The following CPNE7 variants were observed in gnomAD, a reference collection of about 807,000 sequenced individuals.
The protein encoded by CPNE7 is copine 7.
Under a neutral mutation model 66.5 loss-of-function variants are expected in CPNE7, and 78 were observed. The observed-to-expected ratio is 1.17, with a 90% CI of 0.98 to 1.42. The LOEUF is 1.42. Ranked by LOEUF, CPNE7 falls within the 40% of genes most tolerant of loss-of-function variation. The probability of loss-of-function intolerance (pLI) is 0.00; values close to 1 mark genes in which losing one functional copy is unlikely to be tolerated. For missense variants in CPNE7, 1,012 were observed against 776.6 expected (o/e 1.30, Z -3.60); for synonymous variants, 468 against 336.7 (o/e 1.39, Z -4.27).
intron 13 of CPNE7, 112 bp downstream of exon 13, chr16:89,591,372 C>T: frequency 1.4e-6 from 2 of 1,396,300 alleles, no homozygotes; most frequent in South Asian, 3.0e-5. Flanking sequence ...GCAGAGGCCC[C>T]CAGGCAGGAC....
chr16:89,590,046 C>G, intron 11 of CPNE7, 95 bp downstream of exon 11: 1 of 1,376,502 alleles, frequency 7.3e-7, no homozygotes, highest in Non-Finnish European at 1.0e-6. Flanking sequence ...TGGCTGCCTG[C>G]TGGGAACCGG....
chr16:89,588,670 T>C lies in CPNE7; in HGVS notation c.928-5T>C. On this transcript the variant is annotated splice_polypyrimidine_tract_variant and splice_region_variant and intron_variant, in intron 9 of 14. Transcript: ENST00000319518. ...GCACAGCTCCTGGCTCCCGGCCCAC[T>C]GCAGGTGGCCATTGACTTCACCGCC... 1 of 1,613,000 alleles carries C rather than the reference T, an allele frequency of 6.2e-7. No individual in the cohort carries two copies. The highest frequency in any genetic ancestry group is 8.5e-7 in the Non-Finnish European group (1 of 1,179,880).
rs1166044226 is a variant in CPNE7, at chr16:89,589,958, G to C, written c.1116+7G>C. ...GATCCCTCCCAAGTATGAGGTAGGAGAGCCCAGAACCTGAGACCTCAGAGC... is the reference window on the plus strand; with the variant it reads ...GATCCCTCCCAAGTATGAGGTAGGACAGCCCAGAACCTGAGACCTCAGAGC... On this transcript the variant is annotated splice_region_variant and intron_variant, in intron 11 of 14. Transcript: ENST00000319518. 6.2e-7 allele frequency: 1 copy of C among 1,613,564 alleles called. No homozygotes were observed. The highest frequency in any genetic ancestry group is 1.7e-5 in the Admixed American group (1 of 60,008).
intron 2 of CPNE7, among the ~76,000 whole-genome samples, chr16:89,579,168 TG>T (rs2058907273): frequency 6.6e-6 from 1 of 151,944 alleles, no homozygotes; most frequent in Admixed American, 6.6e-5. Context: ...GGTGCGTGCC[TG>T]TAGTCCCAGC....
chr16:89,584,550 G>A lies in CPNE7; in HGVS notation c.508-224G>A, dbSNP rs1165473018. On this transcript the variant is annotated intron_variant, in intron 4 of 14. Coordinates refer to ENST00000319518, the MANE Select transcript of CPNE7 (RefSeq NM_153636.3). This position sits in a 1 kb window ranked among gnomAD's most constrained non-coding sequence, Gnocchi z 6.0. ...TCCGTGGAGGGCTGAGTCGCAGGGT[G>A]TGCAGGGTGACTCCATGGAGGGCTG... 6.6e-6 allele frequency among the ~76,000 whole-genome samples: 1 copy of A among 151,940 alleles called. No individual in the cohort carries two copies. The highest frequency in any genetic ancestry group is 2.4e-5 in the African/African-American group (1 of 41,382).
rs760161077 is a variant in CPNE7, at chr16:89,583,750, C to T, written c.411C>T (p.Asn137=). The change falls in exon 3 of 15, where the codon AAC becomes AAT. Residue 137 remains asparagine, a synonymous_variant. Transcript: ENST00000319518. ...CGCTGCTGCTCAAGTTTGGCAGGAACGCTGGCAAGTCCACCATCACGGTGA... is the reference window on the plus strand; with the variant it reads ...CGCTGCTGCTCAAGTTTGGCAGGAATGCTGGCAAGTCCACCATCACGGTGA... ...TRPLLLKFGR[N]AGKSTITVIA... is the part of the protein sequence containing the mutation. 8.7e-6 allele frequency: 14 copies of T among 1,612,600 alleles called. No individual in the cohort carries two copies. Among genetic ancestry groups the T allele is most frequent in the Admixed American group, 1.7e-5 (1 of 60,002 alleles).
In CPNE7 at chr16:89,577,726, G is replaced by T; in HGVS notation, c.357+5G>T. 6.3e-7 allele frequency: 1 copy of T among 1,585,166 alleles called. No individual in the cohort carries two copies. The highest frequency in any genetic ancestry group is 8.6e-7 in the Non-Finnish European group (1 of 1,166,174). ...ATGGAGTGCACCCTGGGGCAGGTGG[G>T]TGCCCCGTCCCCTCGGAGGGAGGAG... On this transcript the variant is annotated splice_donor_5th_base_variant and intron_variant, in intron 2 of 14. Coordinates refer to ENST00000319518, the MANE Select transcript of CPNE7 (RefSeq NM_153636.3).
chr16:89,582,374 T>C lies in CPNE7; in HGVS notation c.358-1323T>C, dbSNP rs2058969025. ...GATCTCGTATTTCCTGGTAGGGGAA[T>C]CTGTTGTGTTAGCCTGAGCCCGTTT... On this transcript the variant is annotated intron_variant, in intron 2 of 14. Coordinates refer to ENST00000319518, the MANE Select transcript of CPNE7 (RefSeq NM_153636.3). Among the ~76,000 whole-genome samples the C allele has an allele frequency of 2.0e-5, 3 of 152,334 alleles. No homozygotes were observed. The South Asian group carries it at 6.2e-4, about 32-fold the overall frequency.
intron 3 of CPNE7, 107 bp downstream of exon 3, chr16:89,583,878 A>G: frequency 6.9e-7 from 1 of 1,452,860 alleles, no homozygotes; most frequent in African/African-American, 1.4e-5. Flanking sequence ...GAGGGTCTGC[A>G]GGAGCCGGCA....
In CPNE7 at chr16:89,595,824, A is replaced by T. The variant is rs114315329; in HGVS notation, c.1539+221A>T. 1,222 of 675,244 alleles carry T rather than the reference A, an allele frequency of 1.8e-3. 8 individuals carry two copies. The African/African-American group carries it at 0.018, about 10-fold the overall frequency. The allele number at this position is 675,244 out of a possible 1,614,324, so 41.8% of individuals were successfully genotyped here. On this transcript the variant is annotated intron_variant, in intron 14 of 14. Transcript: ENST00000319518. Reference sequence around the variant, plus strand: ...CCGTTTTGAAACTTGTCGAATCTACACAAAAGCAGAGAACAGCACAAGGGG... The same window carrying T: ...CCGTTTTGAAACTTGTCGAATCTACTCAAAAGCAGAGAACAGCACAAGGGG...
intron 13 of CPNE7, among the ~76,000 whole-genome samples, chr16:89,591,485 T>C (rs1275329118): frequency 6.6e-6 from 1 of 152,202 alleles, no homozygotes; most frequent in African/African-American, 2.4e-5. Flanking sequence ...GTCACGGCCA[T>C]GGCTGCAGCG....
intron 14 of CPNE7, among the ~76,000 whole-genome samples, chr16:89,596,132 G>A (rs183398176): frequency 1.4e-4 from 22 of 152,394 alleles, no homozygotes; most frequent in Admixed American, 2.6e-4. Context: ...GACATTCTAC[G>A]CAGTGAAACA....
rs987203160 is a variant in CPNE7, at chr16:89,588,744, T to C, written c.997T>C (p.Tyr333His). 15 of 1,613,624 alleles carry C rather than the reference T, an allele frequency of 9.3e-6. No individual in the cohort carries two copies. The South Asian group carries it at 1.3e-4, about 14-fold the overall frequency. ...NSCSLHYINP[Y>H]QPNEYLKALV... ...CTGCTCCCTGCACTACATCAACCCC[T>C]ACCAGCCGAACGAGTACCTGAAGGC... The change falls in exon 10 of 15, where the codon TAC (tyrosine) becomes CAC (histidine). Residue 333 changes from tyrosine to histidine, a missense_variant. Tyr to His is a moderately conservative substitution (Grantham distance 83, BLOSUM62 2). Coordinates refer to ENST00000319518, the MANE Select transcript of CPNE7 (RefSeq NM_153636.3).
chr16:89,583,880 G>A, intron 3 of CPNE7, 109 bp downstream of exon 3: 1 of 1,458,474 alleles, frequency 6.9e-7, no homozygotes, highest in South Asian at 1.2e-5. Context: ...GGGTCTGCAG[G>A]AGCCGGCAGC....
intron 5 of CPNE7, among the ~76,000 whole-genome samples, chr16:89,585,223 A>T (rs1266019313): frequency 6.6e-6 from 1 of 152,226 alleles, no homozygotes; most frequent in Non-Finnish European, 1.5e-5. Flanking sequence ...GGTGGCTCAG[A>T]GGTGGCAGAA....
intron 13 of CPNE7, among the ~76,000 whole-genome samples, chr16:89,592,448 ATTT>A (rs560239607): frequency 1.5e-5 from 2 of 136,432 alleles, no homozygotes; most frequent in Non-Finnish European, 1.6e-5. Context: ...TTCTTTTTCA[ATTT>A]TTTTTTTTTT....
chr16:89,578,168 G>A (rs370240513), intron 2 of CPNE7, among the ~76,000 whole-genome samples: 8 of 150,358 alleles, frequency 5.3e-5, no homozygotes, highest in South Asian at 2.1e-4. Context: ...GGGTTCAAGC[G>A]ATTCTCCTGC....
At position 89,596,617 on chromosome 16, in the gene CPNE7, C is replaced by G. The variant is rs3751682; in HGVS notation, c.1673C>G (p.Pro558Arg). ...GGAGAGGCCAGCCCAGGCTGCACAC[C>G]GTGAAGATGTGGAGGGCGTAGGGTG... ...PAGEASPGCT[P>R] The change falls in exon 15 of 15, where the codon CCG becomes CGG. Residue 558 changes from proline (P) to arginine (R), a missense_variant. Transcript: ENST00000319518. 6 of 1,599,372 alleles carry G rather than the reference C, an allele frequency of 3.8e-6. No individual in the cohort carries two copies. Among genetic ancestry groups the G allele is most frequent in the Non-Finnish European group, 2.5e-6 (3 of 1,177,030 alleles).
chr16:89,587,635 G>T (rs1179691335), intron 9 of CPNE7: 1 of 448,804 alleles, frequency 2.2e-6, no homozygotes, highest in Non-Finnish European at 4.5e-6. Context: ...CAAGGAGCCC[G>T]GCACAGACCC....
Sources: allele counts gnomAD v4.1 joint callset (sites outside exome capture counted in the v4.1 genomes callset), GRCh38; gene constraint gnomAD v4.1.1; non-coding constraint Gnocchi (gnomAD v3.1); transcripts MANE v1.5; gene names NCBI Gene and HGNC (gene_info 2026-07-23, HGNC 2026-07-21).